Variants in BFSP1 observed in about 807,000 individuals in gnomAD.
BFSP1 encodes filensin.
BFSP1 carries 38 observed loss-of-function variants against 43.9 expected under a neutral mutation model. The ratio of observed to expected loss-of-function variants is 0.87; its 90% CI spans 0.67 to 1.14. BFSP1 has a LOEUF of 1.14. Among genes scored for constraint, BFSP1 ranks in the 50% most tolerant of loss-of-function variants. The probability of loss-of-function intolerance (pLI) is 0.00; values close to 1 mark genes in which losing one functional copy is unlikely to be tolerated. For missense variants in BFSP1, 850 were observed against 875.1 expected, an observed-to-expected ratio of 0.97 and a Z score of 0.36; for synonymous variants, 352 against 354.8, an observed-to-expected ratio of 0.99 and a Z score of 0.09.
chr20:17,508,263 G>A (rs540106351), intron 5 of BFSP1, among the ~76,000 whole-genome samples: 63 of 152,218 alleles, frequency 4.1e-4, no homozygotes, highest in Non-Finnish European at 6.6e-4. Flanking sequence ...AAGATGAGCC[G>A]GCAAGTAGCC....
chr20:17,538,682 C>T (rs1436099190), intron 1 of BFSP1, among the ~76,000 whole-genome samples: 1 of 152,208 alleles, frequency 6.6e-6, no homozygotes, highest in Non-Finnish European at 1.5e-5. Flanking sequence ...CGTACCAACT[C>T]ATCGTCATTC....
rs1050655622 is a variant in BFSP1 at position 17,508,931 on chromosome 20, C to T, written c.693G>A (p.Val231=). ...LRSQLEEGRE[V]LSHLQAQRVE... ...CTCTCTGCGCCTGCAGGTGGGAGAG[C>T]ACCTCCCGGCCCTCCTCCAGCTGAC... Residue 231 remains valine, a synonymous_variant, in exon 5 of 8, where the codon GTG becomes GTA. Transcript: ENST00000377873. 5 of 1,604,824 alleles carry T rather than the reference C, an allele frequency of 3.1e-6. No individual in the cohort carries two copies. Among genetic ancestry groups the T allele is most frequent in the South Asian group, 1.1e-5 (1 of 89,054 alleles).
upstream of BFSP1, among the ~76,000 whole-genome samples, chr20:17,560,071 T>C (rs1481663306): frequency 1.3e-5 from 2 of 152,012 alleles, no homozygotes; most frequent in African/African-American, 4.8e-5. Context: ...CTGGGTTTCT[T>C]TGGCTGAACC....
chr20:17,499,313 G>A (rs931128874), intron 5 of BFSP1, among the ~76,000 whole-genome samples: 1 of 148,572 alleles, frequency 6.7e-6, no homozygotes, highest in Admixed American at 6.8e-5. Context: ...GTGCAATCTC[G>A]GCTCACTGCA....
chr20:17,550,059 T>G (rs763078964), intron 1 of BFSP1, among the ~76,000 whole-genome samples: 30 of 152,204 alleles, frequency 2.0e-4, no homozygotes, highest in Non-Finnish European at 3.4e-4. Flanking sequence ...GGCCATGAGG[T>G]AGTACCACTC....
At chr20:17,535,361 T>C (rs111848633), upstream of BFSP1, among the ~76,000 whole-genome samples, 417 of 152,302 alleles carry the variant, frequency 2.7e-3, 3 homozygotes, top group African/African-American at 9.6e-3. Context: ...AAACCCCATC[T>C]GTACTAAAAA....
chr20:17,539,296 C>A (rs2034679068), intron 1 of BFSP1, among the ~76,000 whole-genome samples: 1 of 151,586 alleles, frequency 6.6e-6, no homozygotes, highest in Admixed American at 6.6e-5. Flanking sequence ...CTGTTTCATA[C>A]ACACAGGAGT....
chr20:17,568,921 C>G (rs1046051953), intron 1 of BFSP1, among the ~76,000 whole-genome samples: 2 of 152,136 alleles, frequency 1.3e-5, no homozygotes, highest in African/African-American at 4.8e-5. Flanking sequence ...TCTTTGTTCC[C>G]TTTATTTCCC....
intron 5 of BFSP1, among the ~76,000 whole-genome samples, chr20:17,504,934 G>GTTT (rs1280882769): frequency 9.0e-6 from 1 of 111,204 alleles, no homozygotes; most frequent in Admixed American, 8.9e-5. Context: ...TTTTGTTTTT[G>GTTT]TTTTGTCTTA....
intron 1 of BFSP1, among the ~76,000 whole-genome samples, chr20:17,551,472 G>T (rs1010500170): frequency 6.6e-6 from 1 of 152,128 alleles, no homozygotes; most frequent in Non-Finnish European, 1.5e-5. Flanking sequence ...TCTAACATTG[G>T]GGATTACAAT....
At chr20:17,532,241 C>T (rs2034558172), upstream of BFSP1, among the ~76,000 whole-genome samples, 1 of 149,418 alleles carries the variant, frequency 6.7e-6, no homozygotes, top group South Asian at 2.1e-4. Flanking sequence ...TCCGTCTCTA[C>T]TAAAAATACC....
At chr20:17,540,602 C>A (rs2034699774) in intron 1 of BFSP1, among the ~76,000 whole-genome samples, 1 of 152,096 alleles carries the variant, frequency 6.6e-6, no homozygotes, top group Non-Finnish European at 1.5e-5. Flanking sequence ...CTGGGCATCC[C>A]TCAGTGGCCA....
intron 1 of BFSP1, among the ~76,000 whole-genome samples, chr20:17,551,656 C>A (rs907875102): frequency 2.0e-5 from 3 of 152,152 alleles, no homozygotes; most frequent in African/African-American, 7.2e-5. Context: ...CCTGTGCCAA[C>A]ACTCTTCTGG....
At chr20:17,552,361 C>G (rs976149004) in intron 1 of BFSP1, among the ~76,000 whole-genome samples, 2 of 152,046 alleles carry the variant, frequency 1.3e-5, no homozygotes, top group Non-Finnish European at 2.9e-5. Flanking sequence ...AAGAGTGGGG[C>G]AGGTGAGGAT....
At chr20:17,536,041 G>A (rs559808852), upstream of BFSP1, among the ~76,000 whole-genome samples, 7 of 152,150 alleles carry the variant, frequency 4.6e-5, no homozygotes, top group Admixed American at 4.6e-4. Flanking sequence ...GCCTCCCAAA[G>A]TGCTGGGATC....
chr20:17,511,182 T>C (rs2034069585), intron 4 of BFSP1, among the ~76,000 whole-genome samples: 1 of 152,202 alleles, frequency 6.6e-6, no homozygotes, highest in Non-Finnish European at 1.5e-5. Context: ...AAAGCGTTAC[T>C]ATCCCGTTGA....
At chr20:17,524,169 G>T (rs1568699242) in intron 2 of BFSP1, among the ~76,000 whole-genome samples, 1 of 152,192 alleles carries the variant, frequency 6.6e-6, no homozygotes, top group East Asian at 1.9e-4. Context: ...GCCATCCCTG[G>T]TTCTGTACAA....
At chr20:17,558,120 G>T (rs562480295) in intron 1 of BFSP1, among the ~76,000 whole-genome samples, 1 of 125,514 alleles carries the variant, frequency 8.0e-6, no homozygotes, top group African/African-American at 3.6e-5. Context: ...ACACAAAGAT[G>T]GGGGGGGGTT....
At chr20:17,533,872 A>G (rs776221437), upstream of BFSP1, among the ~76,000 whole-genome samples, 28 of 152,260 alleles carry the variant, frequency 1.8e-4, no homozygotes, top group Non-Finnish European at 2.9e-4. Context: ...GCGTAGCCTC[A>G]GAGTTAAATA....
Sources: gnomAD v4.1 joint callset for allele counts (sites outside exome capture counted in the v4.1 genomes callset) on GRCh38, gnomAD v4.1.1 for gene constraint, MANE v1.5 for transcripts, NCBI Gene and HGNC (gene_info 2026-07-23, HGNC 2026-07-21) for gene names.